The following RHOH variants were observed in gnomAD, a reference collection of about 807,000 sequenced individuals.
RHOH encodes the protein rho-related GTP-binding protein RhoH.
A neutral mutation model predicts 13.8 loss-of-function variants in RHOH; 6 were observed. That is an observed-to-expected ratio of 0.44 (90% CI 0.24 to 0.86). The LOEUF (loss-of-function observed/expected upper bound fraction) is 0.86. Among genes scored for constraint, RHOH ranks in the 40% least tolerant of loss-of-function variants. RHOH has a pLI of 0.24. For missense variants in RHOH, 147 were observed against 244.5 expected, an observed-to-expected ratio of 0.60 and a Z score of 2.66; for synonymous variants, 117 against 103.0, an observed-to-expected ratio of 1.14 and a Z score of -0.82.
chr4:40,233,797 C>T (rs1268126163), intron 1 of RHOH, among the ~76,000 whole-genome samples: 1 of 151,648 alleles, frequency 6.6e-6, no homozygotes. Context: ...AATGTAAAAA[C>T]CACCTGTAAT....
At chr4:40,213,372 T>C (rs10470856) in intron 1 of RHOH, among the ~76,000 whole-genome samples, 13,652 of 147,578 alleles carry the variant, frequency 0.093, 929 homozygotes, top group East Asian at 0.37. Context: ...TTTTTTTTTT[T>C]TCTCTCTCTC....
chr4:40,239,908 C>T (rs1283349036), intron 1 of RHOH, among the ~76,000 whole-genome samples: 2 of 151,940 alleles, frequency 1.3e-5, no homozygotes, highest in Admixed American at 1.3e-4. Context: ...TTTGCACTCT[C>T]AGCTCTAAGC....
chr4:40,243,713 C>T lies in RHOH; in HGVS notation c.327C>T (p.Thr109=), dbSNP rs752924497. 6.2e-7 allele frequency: 1 copy of T among 1,614,134 alleles called. No homozygotes were observed. The highest frequency in any genetic ancestry group is 2.2e-5 in the East Asian group (1 of 44,874). Reference sequence around the variant, plus strand: ...AAATTAGGAGCAACTTGCCCTGTACCCCTGTGCTGGTGGTGGCCACCCAGA... The same window carrying T: ...AAATTAGGAGCAACTTGCCCTGTACTCCTGTGCTGGTGGTGGCCACCCAGA... ...IGEIRSNLPC[T]PVLVVATQTD... is the part of the protein sequence containing the mutation. The change falls in exon 3 of 3, where the codon ACC becomes ACT. Residue 109 remains threonine (T), a synonymous_variant. Coordinates refer to ENST00000381799, the MANE Select transcript of RHOH (RefSeq NM_004310.5). The surrounding 1 kb of genome is among the most constrained non-coding windows in gnomAD (Gnocchi z 6.2).
At chr4:40,233,292 C>T (rs1215086193) in intron 1 of RHOH, among the ~76,000 whole-genome samples, 1 of 151,824 alleles carries the variant, frequency 6.6e-6, no homozygotes, top group Non-Finnish European at 1.5e-5. Context: ...TTATTATTGC[C>T]TATTTACAAT....
At chr4:40,225,832 T>C (rs1579299478) in intron 1 of RHOH, among the ~76,000 whole-genome samples, 1 of 151,906 alleles carries the variant, frequency 6.6e-6, no homozygotes, top group Non-Finnish European at 1.5e-5. Flanking sequence ...AGAGGGGAGG[T>C]AGAGACCTAT....
intron 1 of RHOH, among the ~76,000 whole-genome samples, chr4:40,227,611 G>A (rs1015601864): frequency 1.2e-4 from 19 of 152,044 alleles, no homozygotes; most frequent in African/African-American, 4.4e-4. Flanking sequence ...CAGTGAAGGG[G>A]GAGTACCAGG....
chr4:40,196,773 G>T (rs554316205), upstream of RHOH: 2 of 143,128 alleles, frequency 1.4e-5, no homozygotes, highest in East Asian at 4.2e-4. Context: ...TCAGTTTTAC[G>T]TAGGGCTTTG....
chr4:40,218,600 A>T lies in RHOH; in HGVS notation c.-331+21300A>T, dbSNP rs1249355520. The stretch of plus-strand genomic sequence containing the variant: ...TGAGGAACAGCTTGGGAGGGGAAAA[A>T]GTTCATCTGGTGGCAGGAGCTTTAG... On this transcript the variant is annotated intron_variant, in intron 1 of 2. Coordinates refer to ENST00000381799, the MANE Select transcript of RHOH (RefSeq NM_004310.5). This position sits in a 1 kb window ranked among gnomAD's most constrained non-coding sequence, Gnocchi z 4.1. Among the ~76,000 whole-genome samples, 1 of 152,178 alleles carries T rather than the reference A, an allele frequency of 6.6e-6. No individual in the cohort carries two copies. The highest frequency in any genetic ancestry group is 1.5e-5 in the Non-Finnish European group (1 of 68,030).
rs988175057 is a variant in RHOH at position 40,243,256 on chromosome 4, G to A, written c.-131G>A. ...GAGAAGTAACATTCTGCAAATCGCC[G>A]TCAGAGGTCCTGAGGACACAGACCT... On this transcript the variant is annotated 5_prime_UTR_variant, in exon 3 of 3. Transcript: ENST00000381799. The surrounding 1 kb of genome is among the most constrained non-coding windows in gnomAD (Gnocchi z 6.2). 12 of 685,466 alleles carry A rather than the reference G, an allele frequency of 1.8e-5. No homozygotes were observed. The highest frequency in any genetic ancestry group is 3.2e-5 in the Admixed American group (1 of 31,432). 42.5% of individuals were successfully genotyped at this position (685,466 alleles called of 1,614,324 possible).
intron 1 of RHOH, among the ~76,000 whole-genome samples, chr4:40,210,966 A>C (rs1255846099): frequency 1.3e-5 from 2 of 152,244 alleles, no homozygotes; most frequent in African/African-American, 4.8e-5. Context: ...CATTGCCTGA[A>C]GCTTACGTAT....
intron 1 of RHOH, among the ~76,000 whole-genome samples, chr4:40,216,311 A>G (rs1725881427): frequency 6.6e-6 from 1 of 151,940 alleles, no homozygotes; most frequent in South Asian, 2.1e-4. Context: ...TCGATTAAAA[A>G]TACAAAAACT....
chr4:40,238,489 A>T (rs1424015836), intron 1 of RHOH, among the ~76,000 whole-genome samples: 1 of 152,136 alleles, frequency 6.6e-6, no homozygotes, highest in Non-Finnish European at 1.5e-5. Flanking sequence ...ACTTGTGTCT[A>T]TCTTGGTCTC....
At chr4:40,203,555 AGT>A (rs35615493) in intron 1 of RHOH, among the ~76,000 whole-genome samples, 8,697 of 150,552 alleles carry the variant, frequency 0.058, 735 homozygotes, top group African/African-American at 0.19. Context: ...AGAGAGAGAG[AGT>A]GTGTGTGTGT....
At position 40,245,963 on chromosome 4, in the gene RHOH, T is replaced by C. The variant is rs1290919595; in HGVS notation, c.*2001T>C. ...ACAGCTGCCTTCACTCAGACTTCTC[T>C]GCTCTCCAGGCGGTGGCTTGTACTC... On this transcript the variant is annotated 3_prime_UTR_variant, in exon 3 of 3. Transcript: ENST00000381799. 1 of 152,274 alleles carries C rather than the reference T, an allele frequency of 6.6e-6. No individual in the cohort carries two copies. Among genetic ancestry groups the C allele is most frequent in the Non-Finnish European group, 1.5e-5 (1 of 68,104 alleles). 9.4% of individuals were successfully genotyped at this position (152,274 alleles called of 1,614,324 possible). A position where few individuals can be genotyped will look rare whatever the true frequency, so the allele number is the denominator to read the frequency against.
chr4:40,217,098 A>G (rs139703624), intron 1 of RHOH, among the ~76,000 whole-genome samples: 25 of 152,298 alleles, frequency 1.6e-4, no homozygotes, highest in Non-Finnish European at 2.6e-4. Context: ...TGTGAAAGAG[A>G]CCTGCTCTGA....
intron 1 of RHOH, among the ~76,000 whole-genome samples, chr4:40,211,545 T>A (rs1725274360): frequency 6.6e-6 from 1 of 152,132 alleles, no homozygotes; most frequent in Non-Finnish European, 1.5e-5. Context: ...AAGTGTAATG[T>A]TGATTATTTT....
At chr4:40,191,712 T>A (rs6847288), upstream of RHOH, among the ~76,000 whole-genome samples, 3 of 152,142 alleles carry the variant, frequency 2.0e-5, no homozygotes, top group Non-Finnish European at 4.4e-5. Context: ...GCTAGATCAA[T>A]ACAGTAATCC....
intron 1 of RHOH, among the ~76,000 whole-genome samples, chr4:40,203,855 G>A (rs994681095): frequency 6.6e-6 from 1 of 152,138 alleles, no homozygotes; most frequent in Admixed American, 6.5e-5. Flanking sequence ...GAGAGTCTGG[G>A]ACCCATAAAC....
At chr4:40,191,412 T>G (rs1722704108), upstream of RHOH, 1 of 152,228 alleles carries the variant, frequency 6.6e-6, no homozygotes, top group African/African-American at 2.4e-5. Context: ...GGTTTTGTTT[T>G]GTAGTTTATT....
Sources: gnomAD v4.1 joint callset for allele counts (sites outside exome capture counted in the v4.1 genomes callset) on GRCh38, gnomAD v4.1.1 for gene constraint, Gnocchi (gnomAD v3.1) non-coding constraint, MANE v1.5 for transcripts, NCBI Gene and HGNC (gene_info 2026-07-23, HGNC 2026-07-21) for gene names.